Variants in OXCT1 observed in about 807,000 individuals in gnomAD.
The protein encoded by OXCT1 is 3-oxoacid CoA-transferase 1.
Under a neutral mutation model 69.6 loss-of-function variants are expected in OXCT1, and 27 were observed. The ratio of observed to expected loss-of-function variants is 0.39; its 90% confidence interval spans 0.29 to 0.54. OXCT1 has a LOEUF of 0.54. OXCT1 is among the 20% of genes least tolerant of loss of function. The pLI is 0.72. For missense variants in OXCT1, 437 were observed against 650.2 expected, an observed-to-expected ratio of 0.67 and a Z score of 3.57; for synonymous variants, 202 against 217.8, an observed-to-expected ratio of 0.93 and a Z score of 0.64.
rs117926646 is a variant in OXCT1, at chr5:41,798,566, G to A, written c.1099+2456C>T. Among the ~76,000 whole-genome samples the A allele has an allele frequency of 7.2e-5, 11 of 152,258 alleles. No individual in the cohort carries two copies. In the East Asian group the frequency reaches 2.1e-3, roughly 29 times the overall value. On this transcript the variant is annotated intron_variant, in intron 11 of 16. Transcript: ENST00000196371. ...AATCAGACCCCACCCCATTGAAAAC[G>A]ACTAGTGCAGAGAGGACATGGCAGG...
intron 16 of OXCT1, among the ~76,000 whole-genome samples, chr5:41,734,232 A>G (rs1383950252): frequency 6.6e-6 from 1 of 152,218 alleles, no homozygotes; most frequent in Non-Finnish European, 1.5e-5. Context: ...TGGAACATAC[A>G]TTGGGTGTAT....
At position 41,844,054 on chromosome 5, in the gene OXCT1, T is replaced by C. The variant is rs139907986; in HGVS notation, c.565-1273A>G. 3.3e-4 allele frequency among the ~76,000 whole-genome samples: 50 copies of C among 152,318 alleles called. No homozygotes were observed. In the East Asian group the frequency reaches 8.5e-3, roughly 26 times the overall value. On this transcript the variant is annotated intron_variant, in intron 5 of 16. Transcript: ENST00000196371. Reference sequence around the variant, plus strand: ...CAGATCTAGAAAACTGGGGTAAATATATGCAAATGCAAGGCAAAGTCAATA... The same window carrying C: ...CAGATCTAGAAAACTGGGGTAAATACATGCAAATGCAAGGCAAAGTCAATA...
chr5:41,868,027 G>A (rs1295971259), intron 1 of OXCT1, among the ~76,000 whole-genome samples: 1 of 152,148 alleles, frequency 6.6e-6, no homozygotes, highest in African/African-American at 2.4e-5. Flanking sequence ...CAAAGTTTAG[G>A]GCCCCACCCA....
At chr5:41,764,436 C>T (rs1744501919) in intron 13 of OXCT1, among the ~76,000 whole-genome samples, 1 of 152,136 alleles carries the variant, frequency 6.6e-6, no homozygotes, top group Non-Finnish European at 1.5e-5. Context: ...ATAAGTGTTG[C>T]TGTATACTAG....
At chr5:41,758,546 A>G (rs1215521696) in intron 14 of OXCT1, among the ~76,000 whole-genome samples, 2 of 151,612 alleles carry the variant, frequency 1.3e-5, no homozygotes, top group African/African-American at 2.4e-5. Flanking sequence ...CAAGTGGTGG[A>G]GGGAGCCACT....
chr5:41,793,978 T>G (rs752776069), intron 13 of OXCT1, 25 bp downstream of exon 13: 2 of 1,385,450 alleles, frequency 1.4e-6, no homozygotes, highest in Non-Finnish European at 2.1e-6. Context: ...CCAAACATAA[T>G]TCAGAATAAA....
intron 14 of OXCT1, among the ~76,000 whole-genome samples, chr5:41,750,159 T>TTTTTTTTTTTTTTTG (rs1743707610): frequency 6.7e-6 from 1 of 148,528 alleles, no homozygotes; most frequent in Non-Finnish European, 1.5e-5. Flanking sequence ...TTTTTTTTTT[T>TTTTTTTTTTTTTTTG]TAGCATTTTC....
intron 3 of OXCT1, 35 bp downstream of exon 3, chr5:41,861,279 C>T (rs1561136671): frequency 7.7e-7 from 1 of 1,292,436 alleles, no homozygotes; most frequent in Non-Finnish European, 1.1e-6. Flanking sequence ...ATTGGCATTT[C>T]TCTCCAGCCA....
intron 13 of OXCT1, among the ~76,000 whole-genome samples, chr5:41,775,127 C>T (rs1023640052): frequency 6.6e-6 from 1 of 152,058 alleles, no homozygotes; most frequent in African/African-American, 2.4e-5. Flanking sequence ...CCTTACACCA[C>T]CCAATTCTGT....
In OXCT1 at chr5:41,866,022, A is replaced by ACG. The variant is rs370875899; in HGVS notation, c.79-3273_79-3272insCG. Among the ~76,000 whole-genome samples the ACG allele has an allele frequency of 1.9e-3, 222 of 116,378 alleles. 6 individuals carry two copies. Among genetic ancestry groups the ACG allele is most frequent in the Non-Finnish European group, 3.6e-3 (194 of 53,674 alleles). The allele number at this position is 116,378 out of a possible 152,430, so 76.3% of individuals were successfully genotyped here. ...CATGGTGTTTTTATATGTACAGTAG[A>ACG]CCCCCCCCCCCACCGCTTATCCACA... On this transcript the variant is annotated intron_variant, in intron 1 of 16. Coordinates refer to ENST00000196371, the MANE Select transcript of OXCT1 (RefSeq NM_000436.4).
chr5:41,765,337 G>A (rs889102441), intron 13 of OXCT1, among the ~76,000 whole-genome samples: 8 of 152,118 alleles, frequency 5.3e-5, no homozygotes, highest in African/African-American at 1.9e-4. Flanking sequence ...CAATCTGGAC[G>A]CTGACATCCA....
chr5:41,840,325 T>C, intron 7 of OXCT1, 126 bp downstream of exon 7: 1 of 776,642 alleles, frequency 1.3e-6, no homozygotes, highest in Non-Finnish European at 2.2e-6. Flanking sequence ...TGGATCCATT[T>C]CCAAAACAAA....
intron 13 of OXCT1, among the ~76,000 whole-genome samples, chr5:41,772,458 C>T (rs1579704677): frequency 6.7e-6 from 1 of 149,422 alleles, no homozygotes; most frequent in South Asian, 2.1e-4. Flanking sequence ...CAGAAAGTAA[C>T]ACAGAAGATA....
chr5:41,862,594 A>G (rs1365106861), intron 2 of OXCT1, 48 bp downstream of exon 2: 1 of 1,003,532 alleles, frequency 1.0e-6, no homozygotes, highest in African/African-American at 1.6e-5. Flanking sequence ...TGCTTCATTT[A>G]AAAACATAAG....
chr5:41,828,033 G>C (rs1021325709), intron 7 of OXCT1, among the ~76,000 whole-genome samples: 3 of 152,170 alleles, frequency 2.0e-5, no homozygotes, highest in African/African-American at 7.2e-5. Flanking sequence ...CCACATGCTG[G>C]ACACTAGTCA....
At chr5:41,869,155 A>G (rs1561143047) in intron 1 of OXCT1, among the ~76,000 whole-genome samples, 1 of 152,202 alleles carries the variant, frequency 6.6e-6, no homozygotes, top group Non-Finnish European at 1.5e-5. Context: ...ATTTAAGAGT[A>G]AAATGGTCCA....
chr5:41,818,460 A>G (rs1018777497), intron 7 of OXCT1, among the ~76,000 whole-genome samples: 5 of 152,174 alleles, frequency 3.3e-5, no homozygotes, highest in Non-Finnish European at 2.9e-5. Flanking sequence ...AATTTTGGAA[A>G]AGCTATCAGA....
intron 7 of OXCT1, among the ~76,000 whole-genome samples, chr5:41,821,419 G>T (rs748827387): frequency 2.0e-5 from 3 of 152,180 alleles, no homozygotes; most frequent in Admixed American, 6.5e-5. Context: ...ACAAAAATAG[G>T]CAATTTATTA....
chr5:41,847,549 G>A lies in OXCT1; in HGVS notation c.564+2481C>T, dbSNP rs552880639. 9.2e-5 allele frequency among the ~76,000 whole-genome samples: 14 copies of A among 151,378 alleles called. No homozygotes were observed. The East Asian group carries it at 1.2e-3, about 13-fold the overall frequency. On this transcript the variant is annotated intron_variant, in intron 5 of 16. Coordinates refer to ENST00000196371, the MANE Select transcript of OXCT1 (RefSeq NM_000436.4). ...ATCCTCAATAAAATACTGGCAAACC[G>A]AATCCAGCAGCACATCAAAAAGCTT... is the stretch of plus-strand genomic sequence containing the variant.
Sources: allele counts gnomAD v4.1 joint callset (sites outside exome capture counted in the v4.1 genomes callset), GRCh38; gene constraint gnomAD v4.1.1; transcripts MANE v1.5; gene names NCBI Gene and HGNC (gene_info 2026-07-23, HGNC 2026-07-21).